Variants in KRIT1 observed in about 807,000 individuals in gnomAD.
KRIT1 encodes the protein krev interaction trapped protein 1.
In KRIT1, 45 loss-of-function variants were observed where a neutral mutation model predicts 95.8. The ratio of observed to expected loss-of-function variants is 0.47; its 90% CI spans 0.37 to 0.60. The LOEUF is 0.60. Ranked by LOEUF, KRIT1 falls within the 20% of genes least tolerant of loss-of-function variation. The pLI is 0.00. For missense variants in KRIT1, 788 were observed against 877.5 expected, an observed-to-expected ratio of 0.90 and a Z score of 1.29; for synonymous variants, 282 against 278.8, an observed-to-expected ratio of 1.01 and a Z score of -0.11.
chr7:92,231,202 G>A (rs1321717185), intron 10 of KRIT1, among the ~76,000 whole-genome samples: 1 of 152,078 alleles, frequency 6.6e-6, no homozygotes, highest in African/African-American at 2.4e-5. Context: ...TCTCTACAAG[G>A]GGTTAAAGCC....
rs1018990847 is a variant in KRIT1 at position 92,240,758 on chromosome 7, T to C, written c.262+235A>G. 14 of 540,980 alleles carry C rather than the reference T, an allele frequency of 2.6e-5. No homozygotes were observed. The African/African-American group carries it at 2.7e-4, about 10-fold the overall frequency. The allele number at this position is 540,980 out of a possible 1,614,324, so 33.5% of individuals were successfully genotyped here. A position where few individuals can be genotyped will look rare whatever the true frequency, so the allele number is the denominator to read the frequency against. On this transcript the variant is annotated intron_variant, in intron 5 of 18. Transcript: ENST00000394505. Reference sequence around the variant, plus strand: ...GTTAAAAGATACTTACCTAGGGAACTACACTTCACATCAACATTGTGAATT... The same window carrying C: ...GTTAAAAGATACTTACCTAGGGAACCACACTTCACATCAACATTGTGAATT...
intron 10 of KRIT1, among the ~76,000 whole-genome samples, chr7:92,232,283 C>T (rs10223994): frequency 0.023 from 3,485 of 152,142 alleles, 146 homozygotes; most frequent in African/African-American, 0.08. Flanking sequence ...GCTCTCAAAG[C>T]ACGTTACTTG....
intron 10 of KRIT1, among the ~76,000 whole-genome samples, chr7:92,227,072 C>T (rs555997169): frequency 2.0e-5 from 3 of 152,208 alleles, no homozygotes; most frequent in South Asian, 2.1e-4. Context: ...CACTTAGGCC[C>T]GGCTGTTTAC....
chr7:92,228,470 C>G (rs945916137), intron 10 of KRIT1, among the ~76,000 whole-genome samples: 1 of 152,172 alleles, frequency 6.6e-6, no homozygotes, highest in Non-Finnish European at 1.5e-5. Context: ...TTTTTCCTTT[C>G]TTCCCCTTCA....
intron 15 of KRIT1, among the ~76,000 whole-genome samples, chr7:92,214,395 A>G (rs1408351221): frequency 6.6e-6 from 1 of 152,136 alleles, no homozygotes; most frequent in African/African-American, 2.4e-5. Context: ...AAAAATATAA[A>G]GTATATCAAA....
intron 14 of KRIT1, among the ~76,000 whole-genome samples, chr7:92,218,260 T>G (rs575565265): frequency 2.0e-5 from 3 of 152,040 alleles, no homozygotes; most frequent in African/African-American, 7.2e-5. Context: ...AAACAAAACT[T>G]TTTTGTAGAG....
intron 5 of KRIT1, among the ~76,000 whole-genome samples, chr7:92,239,551 C>G (rs1360975049): frequency 6.6e-6 from 1 of 152,138 alleles, no homozygotes; most frequent in African/African-American, 2.4e-5. Flanking sequence ...AGAGTCTTCA[C>G]ATGCCTTGAT....
intron 8 of KRIT1, among the ~76,000 whole-genome samples, 183 bp downstream of exon 8, chr7:92,235,220 G>A (rs1203813457): frequency 2.0e-5 from 3 of 152,028 alleles, no homozygotes; most frequent in Non-Finnish European, 2.9e-5. Flanking sequence ...GGCTGGTCTC[G>A]AACTCCTGAC....
At chr7:92,238,007 ACTGTT>A (rs748688064) in intron 5 of KRIT1, among the ~76,000 whole-genome samples, 1 of 152,166 alleles carries the variant, frequency 6.6e-6, no homozygotes, top group Non-Finnish European at 1.5e-5. Flanking sequence ...AGCTAGGAAA[ACTGTT>A]CTGCTAAGAG....
chr7:92,222,992 TAA>T lies in KRIT1; in HGVS notation c.1255-16_1255-15del. The stretch of plus-strand genomic sequence containing the variant: ...AACTTTTTCATACTACAAGAAACGA[TAA>T]CTTACGTAACGAACTTAAAAAATTA... On this transcript the variant is annotated splice_polypyrimidine_tract_variant and intron_variant, in intron 12 of 18. Coordinates refer to ENST00000394505, the MANE Select transcript of KRIT1 (RefSeq NM_194454.3). 6.4e-7 allele frequency: 1 copy of T among 1,572,266 alleles called. No homozygotes were observed. Among genetic ancestry groups the T allele is most frequent in the Non-Finnish European group, 8.7e-7 (1 of 1,144,180 alleles).
rs1431012089 is a variant in KRIT1, at chr7:92,208,964, G to A, written c.2025+4231C>T. The stretch of plus-strand genomic sequence containing the variant: ...CACCCACAAAATACTACCAAACTGC[G>A]TCCAACAACACATCAAAAAGATAAC... On this transcript the variant is annotated intron_variant, in intron 17 of 18. Transcript: ENST00000394505. 5.3e-5 allele frequency among the ~76,000 whole-genome samples: 8 copies of A among 152,088 alleles called. No homozygotes were observed. In the South Asian group the frequency reaches 6.2e-4, roughly 12 times the overall value.
At chr7:92,216,222 CCAT>C (rs1793960147) in intron 14 of KRIT1, among the ~76,000 whole-genome samples, 1 of 144,974 alleles carries the variant, frequency 6.9e-6, no homozygotes. Context: ...GAAAGAGACT[CCAT>C]CTCAAAAAAA....
intron 18 of KRIT1, 32 bp from the exon 19 acceptor site, chr7:92,200,836 A>G: frequency 7.0e-7 from 1 of 1,427,944 alleles, no homozygotes; most frequent in South Asian, 1.2e-5. Context: ...TAATAAATAT[A>G]AAACATGTAA....
intron 3 of KRIT1, 130 bp from the exon 4 acceptor site, chr7:92,242,267 A>G: frequency 1.5e-6 from 1 of 669,642 alleles, no homozygotes; most frequent in East Asian, 2.7e-5. Context: ...AATTAAAAAA[A>G]AATAAAATGT....
intron 17 of KRIT1, among the ~76,000 whole-genome samples, chr7:92,208,960 C>T (rs544468742): frequency 9.9e-5 from 15 of 152,234 alleles, no homozygotes; most frequent in African/African-American, 3.6e-4. Flanking sequence ...TACTACCAAA[C>T]TGCGTCCAAC....
rs1789926299 is a variant in KRIT1 at position 92,200,618 on chromosome 7, C to T, written c.*118G>A. ...CCGCCTGCCCCAGCCTCCCAAAGTG[C>T]TGGAATTACAGGGGTGAGCCACCAT... On this transcript the variant is annotated 3_prime_UTR_variant, in exon 19 of 19. Coordinates refer to ENST00000394505, the MANE Select transcript of KRIT1 (RefSeq NM_194454.3). The T allele has an allele frequency of 1.4e-6, 1 of 735,056 alleles. No homozygotes were observed. The highest frequency in any genetic ancestry group is 2.9e-4 in the Middle Eastern group (1 of 3,462). The allele number at this position is 735,056 out of a possible 1,614,324, so 45.5% of individuals were successfully genotyped here.
chr7:92,209,221 G>A (rs1160072977), intron 17 of KRIT1, among the ~76,000 whole-genome samples: 1 of 151,690 alleles, frequency 6.6e-6, no homozygotes, highest in Admixed American at 6.6e-5. Context: ...ATACATATAT[G>A]ACAAACCCAC....
chr7:92,199,084 A>G (rs879809943), downstream of KRIT1: 4 of 152,228 alleles, frequency 2.6e-5, no homozygotes, highest in African/African-American at 7.2e-5. Flanking sequence ...TAGAACAAGT[A>G]TAACTTGGAA....
intron 2 of KRIT1, among the ~76,000 whole-genome samples, 171 bp downstream of exon 2, chr7:92,244,731 T>G (rs929871183): frequency 6.6e-6 from 1 of 152,158 alleles, no homozygotes; most frequent in Non-Finnish European, 1.5e-5. Flanking sequence ...ATGTTTAGAC[T>G]GAGTCTGAGA....
Sources: allele counts gnomAD v4.1 joint callset (sites outside exome capture counted in the v4.1 genomes callset), GRCh38; gene constraint gnomAD v4.1.1; transcripts MANE v1.5; gene names NCBI Gene and HGNC (gene_info 2026-07-23, HGNC 2026-07-21).